SUPT6H: variants seen among roughly 807,000 people sequenced by gnomAD.
SUPT6H encodes transcription elongation factor SPT6.
SUPT6H carries 11 observed loss-of-function variants against 222.3 expected under a neutral mutation model. The ratio of observed to expected loss-of-function variants is 0.05; its 90% CI spans 0.03 to 0.08. The LOEUF (loss-of-function observed/expected upper bound fraction) is 0.08, where lower values mean the gene tolerates loss of function less well. SUPT6H is among the 10% of genes least tolerant of loss of function. The pLI is 1.00. For synonymous variants in SUPT6H, 762 were observed against 801.2 expected (o/e 0.95, Z 0.83); for missense variants, 1,422 against 2,216.0 (o/e 0.64, Z 7.19).
At chr17:28,700,305 T>G in intron 34 of SUPT6H, 41 bp from the exon 35 acceptor site, 1 of 1,614,144 alleles carries the variant, frequency 6.2e-7, no homozygotes, top group Non-Finnish European at 8.5e-7. Context: ...AAAGGGACTT[T>G]CACCTCTAAC....
In SUPT6H at chr17:28,696,853, A is replaced by G. The variant is rs779282792; in HGVS notation, c.3980A>G (p.Lys1327Arg). The G allele has an allele frequency of 5.6e-6, 9 of 1,613,946 alleles. No homozygotes were observed. The highest frequency in any genetic ancestry group is 6.8e-6 in the Non-Finnish European group (8 of 1,179,994). The change falls in exon 30 of 37, where the codon AAG becomes AGG. Residue 1327 changes from lysine (K) to arginine (R), a missense_variant. Around this residue, in one of 13 missense-constraint regions of SUPT6H, gnomAD observed 395 missense variants for 580.6 expected, o/e 0.68. Transcript: ENST00000314616. Reference sequence around the variant, plus strand: ...TTTCTGCCCTTTTCAGCATACATCAAGAGAGTGATCGCACACCCATCCTTC... The same window carrying G: ...TTTCTGCCCTTTTCAGCATACATCAGGAGAGTGATCGCACACCCATCCTTC... Reference protein sequence around the residue: ...KRKQQRTTYIKRVIAHPSFHN... With the variant: ...KRKQQRTTYIRRVIAHPSFHN...
chr17:28,700,111 C>G, intron 33 of SUPT6H, 62 bp from the exon 34 acceptor site: 1 of 1,611,018 alleles, frequency 6.2e-7, no homozygotes, highest in African/African-American at 1.3e-5. Flanking sequence ...CTTCCACCCC[C>G]TGAATTGGGA....
At chr17:28,692,461 C>T (rs1281404210) in intron 27 of SUPT6H, among the ~76,000 whole-genome samples, 1 of 147,164 alleles carries the variant, frequency 6.8e-6, no homozygotes, top group Non-Finnish European at 1.5e-5. Flanking sequence ...GATGAAACCC[C>T]ATCTCTACTA....
rs1296702192 is a variant in SUPT6H, at chr17:28,678,172, A to G, written c.1096A>G (p.Met366Val). The G allele has an allele frequency of 6.2e-7, 1 of 1,607,774 alleles. No individual in the cohort carries two copies. Among genetic ancestry groups the G allele is most frequent in the Non-Finnish European group, 8.5e-7 (1 of 1,178,536 alleles). Residue 366 changes from methionine to valine, a missense_variant, in exon 9 of 37, where the codon ATG becomes GTG. By Grantham distance (21) the Met-to-Val change is conservative (BLOSUM62 1). This residue lies in a region of SUPT6H where 389 missense variants were observed against 544.6 expected (regional missense o/e 0.71). Transcript: ENST00000314616. The stretch of plus-strand genomic sequence containing the variant: ...GAAGATCAAAGAGGCCCTGGGCTTC[A>G]TGCGAAATCAGCATTTTGAGGTAAC... The part of the protein sequence containing the change: ...IQKIKEALGF[M>V]RNQHFEVPFI...
chr17:28,685,543 G>T (rs1181033705), intron 19 of SUPT6H, among the ~76,000 whole-genome samples: 1 of 151,140 alleles, frequency 6.6e-6, no homozygotes, highest in African/African-American at 2.4e-5. Context: ...AGGCTGGAGC[G>T]CAGTGGCAAG....
intron 12 of SUPT6H, among the ~76,000 whole-genome samples, 174 bp from the exon 13 acceptor site, chr17:28,681,708 G>C (rs1181823339): frequency 1.4e-5 from 2 of 144,498 alleles, no homozygotes; most frequent in African/African-American, 2.6e-5. Flanking sequence ...CCGAGGCTGT[G>C]TCTCAAAAAA....
intron 11 of SUPT6H, among the ~76,000 whole-genome samples, chr17:28,680,081 G>A (rs2031010449): frequency 6.6e-6 from 1 of 151,306 alleles, no homozygotes; most frequent in East Asian, 1.9e-4. Flanking sequence ...GAGGTGGGCA[G>A]ATCACCTGAG....
Position 28,686,709 on chromosome 17 carries a change from G to A in SUPT6H, c.2620G>A (p.Gly874Ser). Residue 874 changes from glycine (G) to serine (S), a missense_variant, in exon 21 of 37, where the codon GGC (glycine) becomes AGC (serine). Gly to Ser is a moderately conservative substitution (Grantham distance 56). Transcript: ENST00000314616. ...GCGCATTGTACATGAGCTGGACCAG[G>A]GCCAGCAGCTGTCATCTATTGGGGT... Reference protein sequence around the residue: ...VKRIVHELDQGQQLSSIGVEL... With the variant: ...VKRIVHELDQSQQLSSIGVEL... 1 of 1,612,326 alleles carries A rather than the reference G, an allele frequency of 6.2e-7. No homozygotes were observed. The highest frequency in any genetic ancestry group is 1.1e-5 in the South Asian group (1 of 90,752).
intron 26 of SUPT6H, 71 bp from the exon 27 acceptor site, chr17:28,690,850 G>C (rs1039207850): frequency 6.5e-7 from 1 of 1,538,320 alleles, no homozygotes; most frequent in Non-Finnish European, 8.9e-7. Flanking sequence ...TTCTGTCACT[G>C]AAAGGCTGGT....
chr17:28,679,781 G>A (rs1310014054), intron 11 of SUPT6H, among the ~76,000 whole-genome samples: 1 of 151,790 alleles, frequency 6.6e-6, no homozygotes, highest in Non-Finnish European at 1.5e-5. Context: ...CATGAGGTCA[G>A]GAGTTCGAGA....
At chr17:28,674,014 TA>T (rs1222053457) in intron 2 of SUPT6H, among the ~76,000 whole-genome samples, 22 of 152,200 alleles carry the variant, frequency 1.4e-4, no homozygotes, top group Admixed American at 2.0e-4. Flanking sequence ...GTGGCTATAA[TA>T]ATCTAGTAAT....
In SUPT6H at chr17:28,700,952, G is replaced by T. The variant is rs1307270152; in HGVS notation, c.4818G>T (p.Thr1606=). The T allele has an allele frequency of 6.2e-7, 1 of 1,611,166 alleles. No homozygotes were observed. Among genetic ancestry groups the T allele is most frequent in the East Asian group, 2.2e-5 (1 of 44,748 alleles). ...GGSSAYHVFP[T]PAQQPVATPL... ...TCATGCCTCTCCAGGTATTCCCAAC[G>T]CCAGCCCAGCAGCCAGTGGCCACAC... The change falls in exon 36 of 37, where the codon ACG becomes ACT. Residue 1606 remains threonine (T), a synonymous_variant. Coordinates refer to ENST00000314616, the MANE Select transcript of SUPT6H (RefSeq NM_003170.5).
intron 1 of SUPT6H, among the ~76,000 whole-genome samples, chr17:28,669,363 T>C (rs1029565449): frequency 6.6e-6 from 1 of 152,168 alleles, no homozygotes; most frequent in Non-Finnish European, 1.5e-5. Context: ...AGCTAATTTT[T>C]CATTTTTAGT....
chr17:28,682,573 A>C (rs867954227), intron 13 of SUPT6H, among the ~76,000 whole-genome samples, 154 bp from the exon 14 acceptor site: 1 of 152,180 alleles, frequency 6.6e-6, no homozygotes, highest in Non-Finnish European at 1.5e-5. Context: ...ATGAGCCATG[A>C]TCACACCACT....
Position 28,701,712 on chromosome 17 carries a change from TC to T in SUPT6H, c.*89del. ...CTCCCTCCCTGCCCCTCCTTTTATG[TC>T]CATAAAGTGGCGTGAAGTGAGACGT... On this transcript the variant is annotated 3_prime_UTR_variant, in exon 37 of 37. Transcript: ENST00000314616. 7.1e-7 allele frequency: 1 copy of T among 1,401,678 alleles called. No homozygotes were observed. The highest frequency in any genetic ancestry group is 9.7e-7 in the Non-Finnish European group (1 of 1,033,888). 86.8% of individuals were successfully genotyped at this position (1,401,678 alleles called of 1,614,324 possible).
intron 27 of SUPT6H, chr17:28,691,673 AC>A (rs2031650244): frequency 6.7e-6 from 1 of 150,038 alleles, no homozygotes. Context: ...ACACGGTGAA[AC>A]CCCGTCTCTA....
chr17:28,691,111 G>T, intron 27 of SUPT6H, 48 bp downstream of exon 27: 1 of 1,584,820 alleles, frequency 6.3e-7, no homozygotes, highest in Admixed American at 1.8e-5. Flanking sequence ...TTGGTTGAAT[G>T]ATCTCGGTGC....
At chr17:28,694,384 C>T (rs1349171946) in intron 28 of SUPT6H, among the ~76,000 whole-genome samples, 1 of 152,208 alleles carries the variant, frequency 6.6e-6, no homozygotes, top group Non-Finnish European at 1.5e-5. Flanking sequence ...CTGACATCGA[C>T]ATATGTTGTC....
intron 15 of SUPT6H, 32 bp from the exon 16 acceptor site, chr17:28,683,236 G>C: frequency 6.2e-7 from 1 of 1,608,288 alleles, no homozygotes; most frequent in South Asian, 1.1e-5. Flanking sequence ...CAGCCCATCC[G>C]CAGGCTCATG....
Sources: gnomAD v4.1 joint callset for allele counts (sites outside exome capture counted in the v4.1 genomes callset) on GRCh38, gnomAD v4.1.1 for gene constraint, gnomAD v4.1.1 regional missense constraint, MANE v1.5 for transcripts, NCBI Gene and HGNC (gene_info 2026-07-23, HGNC 2026-07-21) for gene names.